The following OTUD1 variants were observed in gnomAD, a reference collection of about 807,000 sequenced individuals.
OTUD1 encodes OTU deubiquitinase 1.
A neutral mutation model predicts 30.0 loss-of-function variants in OTUD1; 15 were observed. That is an observed-to-expected ratio of 0.50 (90% confidence interval 0.33 to 0.77). The LOEUF (loss-of-function observed/expected upper bound fraction) is 0.77. Among genes scored for constraint, OTUD1 ranks in the 30% least tolerant of loss-of-function variants. The pLI is 0.02. For missense variants in OTUD1, 796 were observed against 697.8 expected, an observed-to-expected ratio of 1.14 and a Z score of -1.59; for synonymous variants, 381 against 326.3, an observed-to-expected ratio of 1.17 and a Z score of -1.81.
At position 23,439,555 on chromosome 10, in the gene OTUD1, A is replaced by G. The variant is rs1432196207; in HGVS notation, c.98A>G (p.Lys33Arg). The part of the protein sequence containing the change: ...PAPPAAATPF[K>R]VSLQPPGAAG... The stretch of plus-strand genomic sequence containing the variant: ...CCACCCGCCGCCGCTACCCCCTTCA[A>G]GGTCTCGCTGCAGCCCCCGGGAGCC... Residue 33 changes from lysine (K) to arginine (R), a missense_variant, in exon 1 of 1, where the codon AAG (lysine) becomes AGG (arginine). Lys to Arg is a conservative substitution (Grantham distance 26). Transcript: ENST00000376495. The G allele has an allele frequency of 1.4e-6, 2 of 1,383,774 alleles. No individual in the cohort carries two copies. The highest frequency in any genetic ancestry group is 1.9e-6 in the Non-Finnish European group (2 of 1,065,848). The allele number at this position is 1,383,774 out of a possible 1,614,324, so 85.7% of individuals were successfully genotyped here. A position where few individuals can be genotyped will look rare whatever the true frequency, so the allele number is the denominator to read the frequency against.
chr10:23,439,658 C>T lies in OTUD1; in HGVS notation c.201C>T (p.Val67=), dbSNP rs866958394. ...CCGAGCACCGGGAAGCCGCCGCTGTCCCCGCCGCCAAGATGCCCGCCTTCT... is the reference window on the plus strand; with the variant it reads ...CCGAGCACCGGGAAGCCGCCGCTGTTCCCGCCGCCAAGATGCCCGCCTTCT... ...AAAEHREAAA[V]PAAKMPAFSS... is the part of the protein sequence containing the mutation. Residue 67 remains valine, a synonymous_variant, in exon 1 of 1, where the codon GTC becomes GTT. Coordinates refer to ENST00000376495, the MANE Select transcript of OTUD1 (RefSeq NM_001145373.3). 3.1e-6 allele frequency: 4 copies of T among 1,301,720 alleles called. No individual in the cohort carries two copies. Among genetic ancestry groups the T allele is most frequent in the Admixed American group, 3.1e-5 (1 of 32,212 alleles). 80.6% of individuals were successfully genotyped at this position (1,301,720 alleles called of 1,614,324 possible). A position where few individuals can be genotyped will look rare whatever the true frequency, so the allele number is the denominator to read the frequency against.
Position 23,439,856 on chromosome 10 carries a change from C to T in OTUD1, c.399C>T (p.Pro133=). The change falls in exon 1 of 1, where the codon CCC becomes CCT. Residue 133 remains proline (P), a synonymous_variant. Coordinates refer to ENST00000376495, the MANE Select transcript of OTUD1 (RefSeq NM_001145373.3). Reference sequence around the variant, plus strand: ...TGCTGCACGGGCCCGATCCCGTTCCCGGCGCCGCGGGCTCCGCCGCTGCCC... The same window carrying T: ...TGCTGCACGGGCCCGATCCCGTTCCTGGCGCCGCGGGCTCCGCCGCTGCCC... ...RLLLHGPDPV[P]GAAGSAAAPR... The T allele has an allele frequency of 8.9e-7, 1 of 1,118,596 alleles. No individual in the cohort carries two copies. Among genetic ancestry groups the T allele is most frequent in the Non-Finnish European group, 1.1e-6 (1 of 917,726 alleles). 69.3% of individuals were successfully genotyped at this position (1,118,596 alleles called of 1,614,324 possible).
rs1394919106 is a variant in OTUD1 at position 23,439,224 on chromosome 10, G to A, written c.-234G>A. ...CTGCGGGCCGAGCGCACCGGCAGGG[G>A]TCGAGCTCGCGTCCCGTCCCCGCCC... On this transcript the variant is annotated 5_prime_UTR_variant, in exon 1 of 1. Coordinates refer to ENST00000376495, the MANE Select transcript of OTUD1 (RefSeq NM_001145373.3). 6.6e-6 allele frequency among the ~76,000 whole-genome samples: 1 copy of A among 151,212 alleles called. No individual in the cohort carries two copies. The highest frequency in any genetic ancestry group is 2.4e-5 in the African/African-American group (1 of 41,292).
Position 23,439,561 on chromosome 10 carries a change from C to T in OTUD1, c.104C>T (p.Ser35Leu), listed in dbSNP as rs1241086090. 1 of 1,382,440 alleles carries T rather than the reference C, an allele frequency of 7.2e-7. No homozygotes were observed. Among genetic ancestry groups the T allele is most frequent in the East Asian group, 3.3e-5 (1 of 30,566 alleles). 85.6% of individuals were successfully genotyped at this position (1,382,440 alleles called of 1,614,324 possible). ...PPAAATPFKV[S>L]LQPPGAAGAA... ...GCCGCCGCTACCCCCTTCAAGGTCT[C>T]GCTGCAGCCCCCGGGAGCCGCCGGC... Residue 35 changes from serine to leucine, a missense_variant, in exon 1 of 1, where the codon TCG (serine) becomes TTG (leucine). Coordinates refer to ENST00000376495, the MANE Select transcript of OTUD1 (RefSeq NM_001145373.3).
rs148315007 is a variant in OTUD1 at position 23,440,579 on chromosome 10, A to G, written c.1122A>G (p.Ala374=). The G allele has an allele frequency of 4.1e-5, 63 of 1,551,564 alleles. No homozygotes were observed. Among genetic ancestry groups the G allele is most frequent in the Non-Finnish European group, 5.1e-5 (58 of 1,147,014 alleles). ...EFIIAAAQDG[A]WAGYPELLAM... is the part of the protein sequence containing the mutation. Reference sequence around the variant, plus strand: ...TCATCGCTGCTGCCCAAGACGGGGCATGGGCCGGGTACCCGGAGTTGCTGG... The same window carrying G: ...TCATCGCTGCTGCCCAAGACGGGGCGTGGGCCGGGTACCCGGAGTTGCTGG... The change falls in exon 1 of 1, where the codon GCA becomes GCG. Residue 374 remains alanine (A), a synonymous_variant. Coordinates refer to ENST00000376495, the MANE Select transcript of OTUD1 (RefSeq NM_001145373.3).
Position 23,440,861 on chromosome 10 carries a change from A to G in OTUD1, c.1404A>G (p.Ile468Met), listed in dbSNP as rs1231249616. ...AAGAACTTGCCAAATCTATGGCCAT[A>G]TCCTTGTCTAAAATGTATATTGAAC... ...RDEELAKSMA[I>M]SLSKMYIEQN... The change falls in exon 1 of 1, where the codon ATA (isoleucine) becomes ATG (methionine). Residue 468 changes from isoleucine (I) to methionine (M), a missense_variant. By Grantham distance (10) the Ile-to-Met change is conservative. Transcript: ENST00000376495. The G allele has an allele frequency of 1.3e-6, 2 of 1,551,874 alleles. No homozygotes were observed. The highest frequency in any genetic ancestry group is 1.2e-5 in the South Asian group (1 of 84,060).
In OTUD1 at chr10:23,439,504, C is replaced by G; in HGVS notation, c.47C>G (p.Pro16Arg). ...TGCACCCACTACCCCGCCGGGGCCC[C>G]GGGTCCCACGGCCGCCGCCCCCGCG... The part of the protein sequence containing the change: ...SVCTHYPAGA[P>R]GPTAAAPAPP... Residue 16 changes from proline (P) to arginine (R), a missense_variant, in exon 1 of 1, where the codon CCG becomes CGG. Physicochemically the swap from Pro to Arg is moderately radical, Grantham distance 103. Coordinates refer to ENST00000376495, the MANE Select transcript of OTUD1 (RefSeq NM_001145373.3). 1 of 1,370,834 alleles carries G rather than the reference C, an allele frequency of 7.3e-7. No individual in the cohort carries two copies. The highest frequency in any genetic ancestry group is 9.4e-7 in the Non-Finnish European group (1 of 1,061,386). 84.9% of individuals were successfully genotyped at this position (1,370,834 alleles called of 1,614,324 possible). A position where few individuals can be genotyped will look rare whatever the true frequency, so the allele number is the denominator to read the frequency against.
rs1167784380 is a variant in OTUD1, at chr10:23,441,055, C to T, written c.*152C>T. ...CCTTAATCATCTTTTTGAATGTTTT[C>T]TCAGAGCTGGAGGTTGCTGGGCACC... On this transcript the variant is annotated 3_prime_UTR_variant, in exon 1 of 1. Transcript: ENST00000376495. 8.0e-6 allele frequency: 7 copies of T among 878,840 alleles called. No individual in the cohort carries two copies. Among genetic ancestry groups the T allele is most frequent in the African/African-American group, 1.7e-5 (1 of 58,700 alleles). The allele number at this position is 878,840 out of a possible 1,614,324, so 54.4% of individuals were successfully genotyped here. A position where few individuals can be genotyped will look rare whatever the true frequency, so the allele number is the denominator to read the frequency against.
rs528288191 is a variant in OTUD1, at chr10:23,439,139, C to T, written c.-319C>T. 1.3e-5 allele frequency among the ~76,000 whole-genome samples: 2 copies of T among 151,096 alleles called. No individual in the cohort carries two copies. The highest frequency in any genetic ancestry group is 1.3e-4 in the Admixed American group (2 of 15,170). Reference sequence around the variant, plus strand: ...CTCCAACGGGGCGGGCGGCTTCCTCCGTGAGTCCCCAGCGGCCGCCGCGGG... The same window carrying T: ...CTCCAACGGGGCGGGCGGCTTCCTCTGTGAGTCCCCAGCGGCCGCCGCGGG... On this transcript the variant is annotated 5_prime_UTR_variant, in exon 1 of 1. Transcript: ENST00000376495.
At position 23,440,447 on chromosome 10, in the gene OTUD1, T is replaced by C. The variant is rs2132480778; in HGVS notation, c.990T>C (p.Tyr330=). The C allele has an allele frequency of 6.4e-7, 1 of 1,551,688 alleles. No homozygotes were observed. The highest frequency in any genetic ancestry group is 8.7e-7 in the Non-Finnish European group (1 of 1,146,998). ...ACCGAGCTGTCAGCAAGACGGTGTA[T>C]GGGGACCAGAGCCTGCACCGGGAGT... ...CLYRAVSKTV[Y]GDQSLHRELR... Residue 330 remains tyrosine (Y), a synonymous_variant, in exon 1 of 1, where the codon TAT becomes TAC. Transcript: ENST00000376495.
At position 23,441,938 on chromosome 10, in the gene OTUD1, T is replaced by C. The variant is rs961818266; in HGVS notation, c.*1035T>C. ...AAAGGCAAAATAGGATTGCCCTGTA[T>C]TGATGTAGAAATGTCTGTAAACAGA... On this transcript the variant is annotated 3_prime_UTR_variant, in exon 1 of 1. Coordinates refer to ENST00000376495, the MANE Select transcript of OTUD1 (RefSeq NM_001145373.3). 1 of 167,016 alleles carries C rather than the reference T, an allele frequency of 6.0e-6. No homozygotes were observed. The highest frequency in any genetic ancestry group is 1.5e-5 in the Non-Finnish European group (1 of 68,120). The allele number at this position is 167,016 out of a possible 1,614,324, so 10.3% of individuals were successfully genotyped here.
In OTUD1 at chr10:23,441,416, T is replaced by C. The variant is rs904482954; in HGVS notation, c.*513T>C. ...ACAATTCTTAGATAATTATTTCAAA[T>C]GGATATTGATGCATTCTTGTTACCA... On this transcript the variant is annotated 3_prime_UTR_variant, in exon 1 of 1. Transcript: ENST00000376495. 6 of 168,282 alleles carry C rather than the reference T, an allele frequency of 3.6e-5. No individual in the cohort carries two copies. Among genetic ancestry groups the C allele is most frequent in the Non-Finnish European group, 8.7e-5 (6 of 69,030 alleles). The allele number at this position is 168,282 out of a possible 1,614,324, so 10.4% of individuals were successfully genotyped here.
At position 23,440,655 on chromosome 10, in the gene OTUD1, C is replaced by G; in HGVS notation, c.1198C>G (p.Leu400Val). Residue 400 changes from leucine (L) to valine (V), a missense_variant, in exon 1 of 1, where the codon CTG (leucine) becomes GTG (valine). By Grantham distance (32) the Leu-to-Val change is conservative. Coordinates refer to ENST00000376495, the MANE Select transcript of OTUD1 (RefSeq NM_001145373.3). ...VNIHLTTGGR[L>V]ESPTVSTMIH... ...TATCCATTTAACTACTGGAGGGAGGCTGGAGAGTCCCACGGTGTCTACCAT... is the reference window on the plus strand; with the variant it reads ...TATCCATTTAACTACTGGAGGGAGGGTGGAGAGTCCCACGGTGTCTACCAT... 1 of 1,551,808 alleles carries G rather than the reference C, an allele frequency of 6.4e-7. No homozygotes were observed. The highest frequency in any genetic ancestry group is 8.7e-7 in the Non-Finnish European group (1 of 1,147,032).
At position 23,440,293 on chromosome 10, in the gene OTUD1, T is replaced by C. The variant is rs1483933398; in HGVS notation, c.836T>C (p.Ile279Thr). 15 of 1,550,352 alleles carry C rather than the reference T, an allele frequency of 9.7e-6. No individual in the cohort carries two copies. The highest frequency in any genetic ancestry group is 1.3e-5 in the Non-Finnish European group (15 of 1,146,598). Residue 279 changes from isoleucine (I) to threonine (T), a missense_variant, in exon 1 of 1, where the codon ATC becomes ACC. Ile to Thr is a moderately conservative substitution (Grantham distance 89). Coordinates refer to ENST00000376495, the MANE Select transcript of OTUD1 (RefSeq NM_001145373.3). The part of the protein sequence containing the change: ...AAPSSAAEPV[I>T]VSRSDPRDEK... ...CCGAGTAGTGCGGCGGAGCCGGTGA[T>C]CGTCTCCAGGTCGGATCCCAGAGAC...
In OTUD1 at chr10:23,442,253, A is replaced by AT. The variant is rs570681197; in HGVS notation, c.*1360dup. 6.7e-5 allele frequency: 11 copies of AT among 165,394 alleles called. No individual in the cohort carries two copies. The highest frequency in any genetic ancestry group is 2.0e-4 in the Admixed American group (3 of 15,080). 10.2% of individuals were successfully genotyped at this position (165,394 alleles called of 1,614,324 possible). A position where few individuals can be genotyped will look rare whatever the true frequency, so the allele number is the denominator to read the frequency against. On this transcript the variant is annotated 3_prime_UTR_variant, in exon 1 of 1. Transcript: ENST00000376495. ...TTTCTTGCATGTATGCATGTACACA[A>AT]TTTTTTTTTTCCATAAAGATGCCAC...
Position 23,439,414 on chromosome 10 carries a change from CG to C in OTUD1, c.-40del. 2 of 1,239,942 alleles carry C rather than the reference CG, an allele frequency of 1.6e-6. No homozygotes were observed. Among genetic ancestry groups the C allele is most frequent in the Non-Finnish European group, 2.0e-6 (2 of 992,954 alleles). The allele number at this position is 1,239,942 out of a possible 1,614,324, so 76.8% of individuals were successfully genotyped here. A position where few individuals can be genotyped will look rare whatever the true frequency, so the allele number is the denominator to read the frequency against. On this transcript the variant is annotated 5_prime_UTR_variant, in exon 1 of 1. Transcript: ENST00000376495. ...GGCCCGGAGGGTGTGTCCCCCGCTC[CG>C]GGGCTCGCCGCGCCTATAAGGGGCC...
In OTUD1 at chr10:23,440,328, G is replaced by T; in HGVS notation, c.871G>T (p.Ala291Ser). The T allele has an allele frequency of 6.4e-7, 1 of 1,551,298 alleles. No homozygotes were observed. Among genetic ancestry groups the T allele is most frequent in the Non-Finnish European group, 8.7e-7 (1 of 1,146,906 alleles). The change falls in exon 1 of 1, where the codon GCC (alanine) becomes TCC (serine). Residue 291 changes from alanine to serine, a missense_variant. Coordinates refer to ENST00000376495, the MANE Select transcript of OTUD1 (RefSeq NM_001145373.3). ...GTCGGATCCCAGAGACGAGAAGCTG[G>T]CCCTATACCTGGCCGAGGTGGAGAA... ...SRSDPRDEKLALYLAEVEKQD... is the reference protein window; with the variant it reads ...SRSDPRDEKLSLYLAEVEKQD...
chr10:23,440,206 A>G lies in OTUD1; in HGVS notation c.749A>G (p.Asp250Gly). 6.7e-7 allele frequency: 1 copy of G among 1,486,520 alleles called. No homozygotes were observed. The highest frequency in any genetic ancestry group is 8.9e-7 in the Non-Finnish European group (1 of 1,117,810). 92.1% of individuals were successfully genotyped at this position (1,486,520 alleles called of 1,614,324 possible). ...GATCGCTGCGACGCGCCCGGTGGGG[A>G]CGCGGCGCGGAGGCCCGACCCAGAG... ...GGDRCDAPGG[D>G]AARRPDPEAE... Residue 250 changes from aspartate (D) to glycine (G), a missense_variant, in exon 1 of 1, where the codon GAC (aspartate) becomes GGC (glycine). Asp to Gly is a moderately conservative substitution (Grantham distance 94). Coordinates refer to ENST00000376495, the MANE Select transcript of OTUD1 (RefSeq NM_001145373.3).
chr10:23,439,564 T>G lies in OTUD1; in HGVS notation c.107T>G (p.Leu36Arg), dbSNP rs1363596223. 2.2e-6 allele frequency: 3 copies of G among 1,382,726 alleles called. No individual in the cohort carries two copies. The highest frequency in any genetic ancestry group is 2.8e-6 in the Non-Finnish European group (3 of 1,064,956). 85.7% of individuals were successfully genotyped at this position (1,382,726 alleles called of 1,614,324 possible). A position where few individuals can be genotyped will look rare whatever the true frequency, so the allele number is the denominator to read the frequency against. ...GCCGCTACCCCCTTCAAGGTCTCGC[T>G]GCAGCCCCCGGGAGCCGCCGGCGCC... ...PAAATPFKVS[L>R]QPPGAAGAAP... The change falls in exon 1 of 1, where the codon CTG becomes CGG. Residue 36 changes from leucine to arginine, a missense_variant. By Grantham distance (102) the Leu-to-Arg change is moderately radical. Coordinates refer to ENST00000376495, the MANE Select transcript of OTUD1 (RefSeq NM_001145373.3).
Sources: allele counts gnomAD v4.1 joint callset (sites outside exome capture counted in the v4.1 genomes callset), GRCh38; gene constraint gnomAD v4.1.1; transcripts MANE v1.5; gene names NCBI Gene and HGNC (gene_info 2026-07-23, HGNC 2026-07-21).